The following CDK13 variants were observed in gnomAD, a reference collection of about 807,000 sequenced individuals.
CDK13 encodes cyclin-dependent kinase 13.
A neutral mutation model predicts 137.6 loss-of-function variants in CDK13; 40 were observed. That is an observed-to-expected ratio of 0.29 (90% CI 0.23 to 0.38). CDK13 has a LOEUF of 0.38. Among genes scored for constraint, CDK13 ranks in the 10% least tolerant of loss-of-function variants. The pLI, the probability that CDK13 is intolerant of heterozygous loss-of-function variation, is 1.00. For missense variants in CDK13, 1,704 were observed against 1,951.8 expected, an observed-to-expected ratio of 0.87 and a Z score of 2.39; for synonymous variants, 869 against 760.1, an observed-to-expected ratio of 1.14 and a Z score of -2.36.
intron 1 of CDK13, among the ~76,000 whole-genome samples, chr7:39,981,981 G>A (rs1583940939): frequency 6.7e-6 from 1 of 148,966 alleles, no homozygotes; most frequent in East Asian, 2.0e-4. Context: ...TCACTATTGT[G>A]TATTTTTTCT....
At chr7:40,093,284 C>T (rs1405591767) in intron 13 of CDK13, 47 bp downstream of exon 13, 2 of 1,427,972 alleles carry the variant, frequency 1.4e-6, no homozygotes, top group South Asian at 1.2e-5. Flanking sequence ...ATTACATTGT[C>T]TACTCAGTGT....
chr7:40,089,454 A>G (rs1237985902), intron 12 of CDK13, among the ~76,000 whole-genome samples: 2 of 144,634 alleles, frequency 1.4e-5, no homozygotes, highest in African/African-American at 5.0e-5. Context: ...AAAAAAAAAA[A>G]GGATATCTTA....
chr7:39,993,433 T>G (rs950820280), intron 2 of CDK13, among the ~76,000 whole-genome samples: 1 of 152,182 alleles, frequency 6.6e-6, no homozygotes, highest in Non-Finnish European at 1.5e-5. Context: ...TTTGTTTTTT[T>G]GTGTTTCCTT....
intron 2 of CDK13, among the ~76,000 whole-genome samples, chr7:39,996,962 AAAAAAAAAAAAAAAG>A (rs1321202944): frequency 7.1e-5 from 2 of 28,072 alleles, no homozygotes; most frequent in Non-Finnish European, 2.8e-4. Flanking sequence ...ATTCCATCTC[AAAAAAAAAAAAAAAG>A]AAAAAAAAAA....
In CDK13 at chr7:40,078,058, C is replaced by A; in HGVS notation, c.2834C>A (p.Pro945Gln). The change falls in exon 10 of 14, where the codon CCA becomes CAA. Residue 945 changes from proline (P) to glutamine (Q), a missense_variant. Pro to Gln is a moderately conservative substitution (Grantham distance 76). This residue lies in a region of CDK13 where 130 missense variants were observed against 362.4 expected (regional missense o/e 0.36). Transcript: ENST00000181839. Reference sequence around the variant, plus strand: ...GTGTGGCCTGATGTAATCAAACTACCATATTTCAACACCATGAAACCAAAG... The same window carrying A: ...GTGTGGCCTGATGTAATCAAACTACAATATTTCAACACCATGAAACCAAAG... Reference protein sequence around the residue: ...PAVWPDVIKLPYFNTMKPKKQ... With the variant: ...PAVWPDVIKLQYFNTMKPKKQ... 6.2e-7 allele frequency: 1 copy of A among 1,601,730 alleles called. No homozygotes were observed. The highest frequency in any genetic ancestry group is 8.5e-7 in the Non-Finnish European group (1 of 1,175,772).
intron 7 of CDK13, 184 bp from the exon 8 acceptor site, chr7:40,062,642 T>G: frequency 1.7e-6 from 1 of 587,066 alleles, no homozygotes; most frequent in Non-Finnish European, 3.0e-6. Flanking sequence ...TTAAACAGGT[T>G]GCCCTCACAT....
chr7:40,091,324 G>A (rs1786917267), intron 12 of CDK13, among the ~76,000 whole-genome samples: 1 of 151,236 alleles, frequency 6.6e-6, no homozygotes, highest in South Asian at 2.1e-4. Flanking sequence ...TTCCAGCCTG[G>A]GCCACAGGGC....
intron 2 of CDK13, among the ~76,000 whole-genome samples, chr7:39,996,835 C>G (rs1784569483): frequency 1.3e-5 from 2 of 151,586 alleles, no homozygotes; most frequent in South Asian, 4.2e-4. Flanking sequence ...TGGTGGCGGG[C>G]ACCTGTAATC....
rs112315246 is a variant in CDK13 at position 40,012,111 on chromosome 7, A to C, written c.2353+10080A>C. ...CTTTATATCCATTAAGATGGCTATTATAAAAAACAAAACACCACCAACAAC... is the reference window on the plus strand; with the variant it reads ...CTTTATATCCATTAAGATGGCTATTCTAAAAAACAAAACACCACCAACAAC... On this transcript the variant is annotated intron_variant, in intron 5 of 13. Coordinates refer to ENST00000181839, the MANE Select transcript of CDK13 (RefSeq NM_003718.5). 6.4e-3 allele frequency among the ~76,000 whole-genome samples: 981 copies of C among 152,308 alleles called. 11 individuals are homozygous for C. Among genetic ancestry groups the C allele is most frequent in the Non-Finnish European group, 0.01 (683 of 68,020 alleles).
intron 7 of CDK13, among the ~76,000 whole-genome samples, chr7:40,052,424 A>C (rs1785912857): frequency 6.6e-6 from 1 of 151,998 alleles, no homozygotes; most frequent in Non-Finnish European, 1.5e-5. Flanking sequence ...TGATCTACCC[A>C]CCTCTGCCTC....
In CDK13 at chr7:39,951,598, G is replaced by A; in HGVS notation, c.957G>A (p.Leu319=). The change falls in exon 1 of 14, where the codon CTG becomes CTA. Residue 319 remains leucine, a synonymous_variant. Coordinates refer to ENST00000181839, the MANE Select transcript of CDK13 (RefSeq NM_003718.5). ...GGCGGCGGCGGTCCCTCAGCCCACT[G>A]GGAGGCCGGGACGACAGCCCGGTGT... ...AYRRRRSLSP[L]GGRDDSPVSH... is the part of the protein sequence containing the mutation. 6.7e-7 allele frequency: 1 copy of A among 1,487,188 alleles called. No homozygotes were observed. The highest frequency in any genetic ancestry group is 8.9e-7 in the Non-Finnish European group (1 of 1,121,322). 92.1% of individuals were successfully genotyped at this position (1,487,188 alleles called of 1,614,324 possible). A position where few individuals can be genotyped will look rare whatever the true frequency, so the allele number is the denominator to read the frequency against.
At chr7:39,983,675 T>C (rs1784276467) in intron 1 of CDK13, among the ~76,000 whole-genome samples, 1 of 152,218 alleles carries the variant, frequency 6.6e-6, no homozygotes, top group Non-Finnish European at 1.5e-5. Flanking sequence ...TTTCTTCTGC[T>C]GCTTACCTTT....
At chr7:40,051,035 G>T (rs1785876226) in intron 7 of CDK13, among the ~76,000 whole-genome samples, 1 of 152,114 alleles carries the variant, frequency 6.6e-6, no homozygotes, top group African/African-American at 2.4e-5. Context: ...GAGTGCCGGG[G>T]TGTGGTGTGT....
chr7:40,003,994 A>C (rs995503941), intron 5 of CDK13, among the ~76,000 whole-genome samples: 2 of 152,216 alleles, frequency 1.3e-5, no homozygotes, highest in African/African-American at 4.8e-5. Flanking sequence ...ATGGTTTGTT[A>C]CTTGTTTCTG....
rs1787039624 is a variant in CDK13, at chr7:40,096,041, G to GT, written c.*1064dup. 1.3e-5 allele frequency: 2 copies of GT among 152,138 alleles called. No individual in the cohort carries two copies. The highest frequency in any genetic ancestry group is 6.6e-5 in the Admixed American group (1 of 15,266). The allele number at this position is 152,138 out of a possible 1,614,324, so 9.4% of individuals were successfully genotyped here. A position where few individuals can be genotyped will look rare whatever the true frequency, so the allele number is the denominator to read the frequency against. Reference sequence around the variant, plus strand: ...TCTTTCAGGCTGCCATATTATCCCTGTTTCCATTTGCCATGGATAATTGGA... The same window carrying GT: ...TCTTTCAGGCTGCCATATTATCCCTGTTTTCCATTTGCCATGGATAATTGGA... On this transcript the variant is annotated 3_prime_UTR_variant, in exon 14 of 14. Coordinates refer to ENST00000181839, the MANE Select transcript of CDK13 (RefSeq NM_003718.5).
At chr7:40,007,167 A>G (rs1426672820) in intron 5 of CDK13, among the ~76,000 whole-genome samples, 1 of 152,244 alleles carries the variant, frequency 6.6e-6, no homozygotes, top group East Asian at 1.9e-4. Context: ...TAATTTAGCT[A>G]TAATACTTGG....
At chr7:39,995,439 T>TTTC (rs1466413959) in intron 2 of CDK13, among the ~76,000 whole-genome samples, 1 of 152,204 alleles carries the variant, frequency 6.6e-6, no homozygotes, top group Non-Finnish European at 1.5e-5. Flanking sequence ...GGTGATACCT[T>TTTC]TTCTAGAAAG....
chr7:40,005,973 C>T (rs1784789577), intron 5 of CDK13, among the ~76,000 whole-genome samples: 2 of 152,194 alleles, frequency 1.3e-5, no homozygotes, highest in Admixed American at 6.5e-5. Context: ...GATCCTCCTG[C>T]CTTGGCCTCC....
chr7:40,046,133 C>T (rs932299581), intron 6 of CDK13, 108 bp downstream of exon 6: 156 of 705,098 alleles, frequency 2.2e-4, no homozygotes, highest in Non-Finnish European at 3.3e-4. Context: ...GGGTGGTGAG[C>T]GTTGAAAGTT....
Sources: gnomAD v4.1 joint callset for allele counts (sites outside exome capture counted in the v4.1 genomes callset) on GRCh38, gnomAD v4.1.1 for gene constraint, gnomAD v4.1.1 regional missense constraint, MANE v1.5 for transcripts, NCBI Gene and HGNC (gene_info 2026-07-23, HGNC 2026-07-21) for gene names.